The following TRPC5 variants were observed in gnomAD, a reference collection of about 807,000 sequenced individuals.
TRPC5 encodes the protein short transient receptor potential channel 5.
A neutral mutation model predicts 56.5 loss-of-function variants in TRPC5; 9 were observed. That is an observed-to-expected ratio of 0.16 (90% CI 0.10 to 0.28). The LOEUF is 0.28. TRPC5 is among the 10% of genes least tolerant of loss of function. The pLI is 1.00. For missense variants in TRPC5, 469 were observed against 748.9 expected (o/e 0.63, Z 4.36); for synonymous variants, 282 against 278.5 (o/e 1.01, Z -0.13).
chrX:111,827,382 T>C, intron 7 of TRPC5, among the ~76,000 whole-genome samples: 1 of 111,224 alleles, frequency 9.0e-6, no homozygotes, highest in Non-Finnish European at 1.9e-5. Flanking sequence ...TCTAGACCTG[T>C]AGACCACCCA....
intron 7 of TRPC5, among the ~76,000 whole-genome samples, chrX:111,825,146 C>CTTT (rs1922158815): frequency 1.2e-4 from 7 of 59,389 alleles, no homozygotes; most frequent in Non-Finnish European, 2.4e-4. Context: ...TTCCTTCCTT[C>CTTT]CTTTCTTTCT....
At chrX:111,915,061 T>TTCTC (rs34462597) in intron 2 of TRPC5, among the ~76,000 whole-genome samples, 2 of 107,059 alleles carry the variant, frequency 1.9e-5, no homozygotes, top group Non-Finnish European at 3.9e-5. Flanking sequence ...CTCGCTCTCT[T>TTCTC]TCTCTCTCTC....
chrX:111,844,887 C>T (rs1469610797), intron 6 of TRPC5, among the ~76,000 whole-genome samples: 1 of 111,257 alleles, frequency 9.0e-6, no homozygotes, highest in Non-Finnish European at 1.9e-5. Context: ...ATCCCCTTCT[C>T]TAAAAGCAGA....
intron 1 of TRPC5, among the ~76,000 whole-genome samples, chrX:112,045,461 A>G (rs1929993976): frequency 8.9e-6 from 1 of 112,001 alleles, no homozygotes; most frequent in Non-Finnish European, 1.9e-5. Flanking sequence ...TCTAGCCTTC[A>G]GAACTGTGAG....
chrX:112,035,909 G>A (rs1412752413), intron 1 of TRPC5, among the ~76,000 whole-genome samples: 1 of 109,785 alleles, frequency 9.1e-6, no homozygotes, highest in African/African-American at 3.3e-5. Flanking sequence ...GACTACAGGC[G>A]TGAGCTATCG....
chrX:111,776,867 C>T lies in TRPC5; in HGVS notation c.2368G>A (p.Ala790Thr). The change falls in exon 11 of 11, where the codon GCT (alanine) becomes ACT (threonine). Residue 790 changes from alanine (A) to threonine (T), a missense_variant. Ala to Thr is a moderately conservative substitution (Grantham distance 58). Coordinates refer to ENST00000262839, the MANE Select transcript of TRPC5 (RefSeq NM_012471.3). Reference sequence around the variant, plus strand: ...GAGACACTCTTGGATTTGGCCCGAGCCCCACCACTGCCATCATTATTATCG... The same window carrying T: ...GAGACACTCTTGGATTTGGCCCGAGTCCCACCACTGCCATCATTATTATCG... ...RDDNNDGSGG[A>T]RAKSKSVSFN... 1 of 1,211,482 alleles carries T rather than the reference C, an allele frequency of 8.3e-7. No individual in the cohort carries two copies. Among genetic ancestry groups the T allele is most frequent in the Non-Finnish European group, 1.1e-6 (1 of 895,413 alleles).
chrX:111,818,471 A>G (rs942362357), intron 7 of TRPC5, among the ~76,000 whole-genome samples: 1 of 111,530 alleles, frequency 9.0e-6, no homozygotes, highest in Non-Finnish European at 1.9e-5. Context: ...ATTCCTAGAG[A>G]TCAGTCCTAG....
intron 1 of TRPC5, among the ~76,000 whole-genome samples, chrX:112,060,321 C>T (rs769925224): frequency 4.5e-5 from 5 of 111,622 alleles, no homozygotes; most frequent in Non-Finnish European, 9.4e-5. Flanking sequence ...GAGAGGTGAC[C>T]ACCCAGGGCA....
chrX:111,870,085 G>C (rs1377001830), intron 3 of TRPC5, among the ~76,000 whole-genome samples: 2 of 112,000 alleles, frequency 1.8e-5, no homozygotes, highest in African/African-American at 6.5e-5. Context: ...AGCTCAAGAG[G>C]CAAGGCATTG....
At chrX:111,835,137 G>A (rs1569526160) in intron 6 of TRPC5, 21 bp from the exon 7 acceptor site, 2 of 1,149,485 alleles carry the variant, frequency 1.7e-6, no homozygotes, top group South Asian at 2.1e-5. Flanking sequence ...TCAAAGAGCA[G>A]GTTAGTTAAT....
At chrX:111,941,183 T>C (rs142755839) in intron 2 of TRPC5, among the ~76,000 whole-genome samples, 1,566 of 112,163 alleles carry the variant, frequency 0.014, 16 homozygotes, top group Middle Eastern at 0.06. Context: ...AATGTGCCTG[T>C]CTCTGGTCTT....
chrX:111,815,095 A>G (rs751778105), intron 7 of TRPC5, among the ~76,000 whole-genome samples: 2 of 112,213 alleles, frequency 1.8e-5, no homozygotes, highest in East Asian at 5.6e-4. Context: ...TTAGCAGGAT[A>G]TCTCTGGGCA....
chrX:112,010,970 G>C (rs1465532655), intron 1 of TRPC5, among the ~76,000 whole-genome samples: 1 of 112,010 alleles, frequency 8.9e-6, no homozygotes, highest in East Asian at 2.8e-4. Context: ...CTTCCCTCAG[G>C]GGAGAGCATG....
chrX:112,065,077 C>CAAA (rs61593071), intron 1 of TRPC5, among the ~76,000 whole-genome samples: 2 of 46,350 alleles, frequency 4.3e-5, no homozygotes, highest in African/African-American at 1.4e-4. Context: ...GACTACGTCT[C>CAAA]AAAAAAAAAA....
chrX:111,870,463 T>C (rs1923712402), intron 3 of TRPC5, among the ~76,000 whole-genome samples: 1 of 111,978 alleles, frequency 8.9e-6, no homozygotes, highest in Admixed American at 9.5e-5. Context: ...AAAAACATTA[T>C]TCATTATTTA....
At chrX:111,783,851 A>G (rs1216075677) in intron 7 of TRPC5, among the ~76,000 whole-genome samples, 1 of 111,623 alleles carries the variant, frequency 9.0e-6, no homozygotes, top group Non-Finnish European at 1.9e-5. Context: ...CAGCTAGCCC[A>G]AGGTCATGAA....
intron 1 of TRPC5, among the ~76,000 whole-genome samples, chrX:112,041,257 A>G (rs112194333): frequency 1.8e-5 from 2 of 112,200 alleles, no homozygotes; most frequent in African/African-American, 6.5e-5. Flanking sequence ...TTGGCACAAG[A>G]GCATAAGTGA....
At chrX:111,975,644 C>A (rs751560447) in intron 1 of TRPC5, among the ~76,000 whole-genome samples, 3 of 111,621 alleles carry the variant, frequency 2.7e-5, no homozygotes, top group African/African-American at 9.8e-5. Flanking sequence ...CGCCTGTAAT[C>A]CCAGCATTTT....
chrX:112,050,739 G>A (rs751366274), intron 1 of TRPC5, among the ~76,000 whole-genome samples: 2 of 111,819 alleles, frequency 1.8e-5, no homozygotes, highest in African/African-American at 6.5e-5. Flanking sequence ...AAGGACCGAG[G>A]AAAGAGTGGA....
Sources: gnomAD v4.1 joint callset for allele counts (sites outside exome capture counted in the v4.1 genomes callset) on GRCh38, gnomAD v4.1.1 for gene constraint, MANE v1.5 for transcripts, NCBI Gene and HGNC (gene_info 2026-07-23, HGNC 2026-07-21) for gene names.